Variants in MLANA observed in about 807,000 individuals in gnomAD.
MLANA encodes melan-A.
Under a neutral mutation model 15.7 loss-of-function variants are expected in MLANA, and 21 were observed. The observed-to-expected ratio is 1.33, with a 90% confidence interval of 0.95 to 1.92. The LOEUF (loss-of-function observed/expected upper bound fraction) is 1.92, where lower values mean the gene tolerates loss of function less well. MLANA is among the 40% of genes most tolerant of loss of function. MLANA has a pLI of 0.00. For missense variants in MLANA, 164 were observed against 143.8 expected, an observed-to-expected ratio of 1.14 and a Z score of -0.72; for synonymous variants, 56 against 51.5, an observed-to-expected ratio of 1.09 and a Z score of -0.37.
rs1832084416 is a variant in MLANA at position 5,897,186 on chromosome 9, G to T, written c.78-371G>T. 2.0e-5 allele frequency among the ~76,000 whole-genome samples: 3 copies of T among 152,206 alleles called. No individual in the cohort carries two copies. In the South Asian group the frequency reaches 6.2e-4, roughly 32 times the overall value. ...GTTAATTTCTATTTTCTCTTTGTGG[G>T]CTGAGTTGGAGAAAATGTTTTAAAA... On this transcript the variant is annotated intron_variant, in intron 2 of 4. Transcript: ENST00000381477.
At position 5,909,053 on chromosome 9, in the gene MLANA, T is replaced by C. The variant is rs533410956; in HGVS notation, c.*345T>C. ...AATTTCTCTTTACTTGAAATTTGGC[T>C]AATAACAAACTAGTCAGGTTTTCGA... is the stretch of plus-strand genomic sequence containing the variant. On this transcript the variant is annotated 3_prime_UTR_variant, in exon 5 of 5. Coordinates refer to ENST00000381477, the MANE Select transcript of MLANA (RefSeq NM_005511.2). 2.0e-4 allele frequency: 58 copies of C among 295,598 alleles called. No individual in the cohort carries two copies. In the South Asian group the frequency reaches 2.2e-3, roughly 11 times the overall value. 18.3% of individuals were successfully genotyped at this position (295,598 alleles called of 1,614,324 possible).
Position 5,906,948 on chromosome 9 carries a change from G to T in MLANA, c.238G>T (p.Asp80Tyr). ...LTRRCPQEGF[D>Y]HRDSKVSLQE... ...AAGAAGATGCCCACAAGAAGGGTTT[G>T]ATCATCGGGACAGCAAAGTGTCTCT... The change falls in exon 4 of 5, where the codon GAT (aspartate) becomes TAT (tyrosine). Residue 80 changes from aspartate to tyrosine, a missense_variant. Asp to Tyr is a radical substitution (Grantham distance 160, BLOSUM62 -3). Coordinates refer to ENST00000381477, the MANE Select transcript of MLANA (RefSeq NM_005511.2). 1 of 1,599,116 alleles carries T rather than the reference G, an allele frequency of 6.3e-7. No homozygotes were observed. Among genetic ancestry groups the T allele is most frequent in the South Asian group, 1.1e-5 (1 of 88,916 alleles).
chr9:5,891,033 C>T (rs1010308958), intron 1 of MLANA, 97 bp downstream of exon 1: 4 of 152,166 alleles, frequency 2.6e-5, no homozygotes, highest in South Asian at 2.1e-4. Context: ...CTCATTGCCC[C>T]GCTGATGTGT....
At chr9:5,907,296 T>A (rs1386594756) in intron 4 of MLANA, 1 of 193,084 alleles carries the variant, frequency 5.2e-6, no homozygotes, top group East Asian at 1.2e-4. Context: ...AAGAATTTAG[T>A]CCTGGATACA....
intron 3 of MLANA, among the ~76,000 whole-genome samples, chr9:5,904,271 T>C (rs1832647557): frequency 6.6e-6 from 1 of 152,248 alleles, no homozygotes. Flanking sequence ...AATCTGTCTT[T>C]TAATTGGTGC....
At chr9:5,903,874 T>C (rs1239963345) in intron 3 of MLANA, among the ~76,000 whole-genome samples, 1 of 152,124 alleles carries the variant, frequency 6.6e-6, no homozygotes, top group Non-Finnish European at 1.5e-5. Context: ...TTTTTTTTTT[T>C]TGAGACAGAG....
intron 3 of MLANA, among the ~76,000 whole-genome samples, chr9:5,899,728 C>T (rs958068530): frequency 6.6e-6 from 1 of 152,128 alleles, no homozygotes; most frequent in Non-Finnish European, 1.5e-5. Flanking sequence ...TTTGCCTCTT[C>T]GACCCCTCCG....
rs144898423 is a variant in MLANA at position 5,896,294 on chromosome 9, G to GA, written c.78-1263_78-1262insA. 3.5e-4 allele frequency among the ~76,000 whole-genome samples: 54 copies of GA among 152,326 alleles called. No individual in the cohort carries two copies. The East Asian group carries it at 0.01, about 29-fold the overall frequency. ...CCTAGCCCAGTGCCTGGCACAAATT[G>GA]GTGCTCAATGAATGGTAGTCACTAT... On this transcript the variant is annotated intron_variant, in intron 2 of 4. Transcript: ENST00000381477.
intron 3 of MLANA, among the ~76,000 whole-genome samples, chr9:5,902,937 TCTC>T (rs1832541591): frequency 6.6e-6 from 1 of 152,226 alleles, no homozygotes; most frequent in Admixed American, 6.5e-5. Context: ...TCTTTCTTCT[TCTC>T]TAATATACAC....
In MLANA at chr9:5,908,748, C is replaced by G; in HGVS notation, c.*40C>G. 1 of 1,575,206 alleles carries G rather than the reference C, an allele frequency of 6.3e-7. No individual in the cohort carries two copies. The highest frequency in any genetic ancestry group is 8.7e-7 in the Non-Finnish European group (1 of 1,145,020). On this transcript the variant is annotated 3_prime_UTR_variant, in exon 5 of 5. Coordinates refer to ENST00000381477, the MANE Select transcript of MLANA (RefSeq NM_005511.2). Reference sequence around the variant, plus strand: ...CCTGAGACATGCTGAAATTATTTCTCTCACACTTTTGCTTGAATTTAATAC... The same window carrying G: ...CCTGAGACATGCTGAAATTATTTCTGTCACACTTTTGCTTGAATTTAATAC...
chr9:5,905,589 C>T (rs1451059915), intron 3 of MLANA, among the ~76,000 whole-genome samples: 1 of 152,136 alleles, frequency 6.6e-6, no homozygotes, highest in Non-Finnish European at 1.5e-5. Context: ...TTGCAGACTC[C>T]CTTACCTTAA....
At chr9:5,895,991 C>T (rs1322804134) in intron 2 of MLANA, among the ~76,000 whole-genome samples, 1 of 152,240 alleles carries the variant, frequency 6.6e-6, no homozygotes, top group Non-Finnish European at 1.5e-5. Flanking sequence ...CAGCTGCCTT[C>T]AGTCACGAGA....
chr9:5,896,812 C>T (rs1832057431), intron 2 of MLANA, among the ~76,000 whole-genome samples: 1 of 152,156 alleles, frequency 6.6e-6, no homozygotes, highest in Non-Finnish European at 1.5e-5. Context: ...TGGTGTAGAC[C>T]CCCAGATTGG....
Position 5,909,018 on chromosome 9 carries a change from G to A in MLANA, c.*310G>A. 3.0e-6 allele frequency: 1 copy of A among 336,426 alleles called. No homozygotes were observed. Among genetic ancestry groups the A allele is most frequent in the Non-Finnish European group, 5.5e-6 (1 of 182,882 alleles). 20.8% of individuals were successfully genotyped at this position (336,426 alleles called of 1,614,324 possible). ...GAGACAGAATTCAAGTGGGTATTCT[G>A]GGGCCATCCAATTTCTCTTTACTTG... On this transcript the variant is annotated 3_prime_UTR_variant, in exon 5 of 5. Coordinates refer to ENST00000381477, the MANE Select transcript of MLANA (RefSeq NM_005511.2).
At position 5,894,239 on chromosome 9, in the gene MLANA, T is replaced by C. The variant is rs910407904; in HGVS notation, c.77+1688T>C. Among the ~76,000 whole-genome samples, 1 of 152,126 alleles carries C rather than the reference T, an allele frequency of 6.6e-6. No homozygotes were observed. The highest frequency in any genetic ancestry group is 2.4e-5 in the African/African-American group (1 of 41,422). ...CATCATGCCCAGCTGGGGAACCTCA[T>C]AGCCAGGTGTACCCACAACCTGAAC... On this transcript the variant is annotated intron_variant, in intron 2 of 4. Transcript: ENST00000381477. This position sits in a 1 kb window ranked among gnomAD's most constrained non-coding sequence, Gnocchi z 4.0.
chr9:5,906,794 C>G (rs1832844304), intron 3 of MLANA, 91 bp from the exon 4 acceptor site: 1 of 755,202 alleles, frequency 1.3e-6, no homozygotes. Context: ...TAGATTAAAA[C>G]TCATTCTTAA....
chr9:5,897,055 G>A (rs550026731), intron 2 of MLANA, among the ~76,000 whole-genome samples: 16 of 152,288 alleles, frequency 1.1e-4, no homozygotes, highest in African/African-American at 3.4e-4. Context: ...CCTCTTCTGT[G>A]AAAATAGGGG....
intron 3 of MLANA, among the ~76,000 whole-genome samples, chr9:5,903,808 A>G (rs143753726): frequency 6.6e-6 from 1 of 151,416 alleles, no homozygotes; most frequent in Non-Finnish European, 1.5e-5. Flanking sequence ...TAATATAGGA[A>G]CTCCTACTTT....
intron 4 of MLANA, among the ~76,000 whole-genome samples, chr9:5,907,361 C>T (rs988696758): frequency 1.3e-5 from 2 of 152,006 alleles, no homozygotes; most frequent in African/African-American, 4.8e-5. Context: ...CAGATATATA[C>T]AGAGGGAAGG....
Sources: allele counts gnomAD v4.1 joint callset (sites outside exome capture counted in the v4.1 genomes callset), GRCh38; gene constraint gnomAD v4.1.1; non-coding constraint Gnocchi (gnomAD v3.1); transcripts MANE v1.5; gene names NCBI Gene and HGNC (gene_info 2026-07-23, HGNC 2026-07-21).